Variants in CFAP299 observed in about 807,000 individuals in gnomAD.
The protein encoded by CFAP299 is cilia and flagella associated protein 299.
A neutral mutation model predicts 27.0 loss-of-function variants in CFAP299; 21 were observed. The ratio of observed to expected loss-of-function variants is 0.78; its 90% CI spans 0.55 to 1.12. The LOEUF (loss-of-function observed/expected upper bound fraction) is 1.12, where lower values mean the gene tolerates loss of function less well. CFAP299 is among the 50% of genes most tolerant of loss of function. The pLI is 0.00. For missense variants in CFAP299, 310 were observed against 276.6 expected (o/e 1.12, Z -0.86); for synonymous variants, 104 against 98.1 (o/e 1.06, Z -0.36).
At chr4:80,757,691 G>GTTTTTTTGT (rs144517834) in intron 3 of CFAP299, among the ~76,000 whole-genome samples, 1 of 151,298 alleles carries the variant, frequency 6.6e-6, no homozygotes, top group African/African-American at 2.4e-5. Flanking sequence ...ACAAAGTCAG[G>GTTTTTTTGT]TTTTTTGTTT....
chr4:80,439,758 C>A (rs1018353778), intron 2 of CFAP299, among the ~76,000 whole-genome samples: 8 of 152,166 alleles, frequency 5.3e-5, no homozygotes, highest in African/African-American at 1.9e-4. Context: ...CAGCAGGTCC[C>A]ACTTCCACAG....
intron 3 of CFAP299, among the ~76,000 whole-genome samples, chr4:80,756,216 T>C (rs1163871017): frequency 6.6e-6 from 1 of 152,180 alleles, no homozygotes; most frequent in Non-Finnish European, 1.5e-5. Context: ...TCTTTTCAAT[T>C]GTTAGTTTTT....
chr4:80,569,292 CAT>C (rs1044266046), intron 2 of CFAP299, among the ~76,000 whole-genome samples: 39 of 152,176 alleles, frequency 2.6e-4, no homozygotes, highest in Middle Eastern at 3.4e-3. Flanking sequence ...GAGGATTCCA[CAT>C]AGTTTGGCTT....
intron 4 of CFAP299, among the ~76,000 whole-genome samples, chr4:80,920,142 C>T (rs975291449): frequency 1.3e-5 from 2 of 150,968 alleles, no homozygotes; most frequent in Non-Finnish European, 2.9e-5. Context: ...GACAAATAAT[C>T]CTGATGAGAA....
chr4:80,338,890 G>A (rs1048686461), intron 1 of CFAP299, among the ~76,000 whole-genome samples: 1 of 152,192 alleles, frequency 6.6e-6, no homozygotes, highest in African/African-American at 2.4e-5. Context: ...TAAAAAGTTA[G>A]TACCAATGAT....
chr4:80,438,417 A>G (rs183086391), intron 2 of CFAP299, among the ~76,000 whole-genome samples: 6 of 152,204 alleles, frequency 3.9e-5, no homozygotes, highest in Admixed American at 2.0e-4. Flanking sequence ...TGTCATCCCA[A>G]CTCTTACAAT....
chr4:80,824,491 C>T (rs1039867111), intron 3 of CFAP299, among the ~76,000 whole-genome samples: 6 of 152,144 alleles, frequency 3.9e-5, no homozygotes, highest in Admixed American at 3.3e-4. Context: ...TTGTAAGCTC[C>T]TCCCCCTCTG....
At chr4:80,344,122 C>A (rs373244157) in intron 1 of CFAP299, among the ~76,000 whole-genome samples, 1 of 151,996 alleles carries the variant, frequency 6.6e-6, no homozygotes, top group African/African-American at 2.4e-5. Flanking sequence ...ACAAAGCTGG[C>A]AGAAGACAGG....
chr4:80,328,662 G>A, the CFAP299 span, among the ~76,000 whole-genome samples: 3 of 152,104 alleles, frequency 2.0e-5, no homozygotes, highest in Non-Finnish European at 2.9e-5. Context: ...GTTGAGACTC[G>A]TGGTCATGAA....
intron 3 of CFAP299, among the ~76,000 whole-genome samples, chr4:80,599,997 C>T (rs1271980316): frequency 6.6e-6 from 1 of 151,902 alleles, no homozygotes; most frequent in Non-Finnish European, 1.5e-5. Context: ...GTAATTCATG[C>T]ATAATAAACA....
At chr4:80,935,870 A>G (rs1736863251) in intron 4 of CFAP299, among the ~76,000 whole-genome samples, 1 of 152,126 alleles carries the variant, frequency 6.6e-6, no homozygotes, top group Admixed American at 6.6e-5. Context: ...ACAAGAAAAA[A>G]CAAACAACCC....
At chr4:80,528,646 A>G (rs555328847) in intron 2 of CFAP299, among the ~76,000 whole-genome samples, 1 of 152,298 alleles carries the variant, frequency 6.6e-6, no homozygotes, top group Non-Finnish European at 1.5e-5. Flanking sequence ...ATGTGAATTC[A>G]TACCATCTCT....
At chr4:80,893,083 C>G (rs1374187632) in intron 4 of CFAP299, among the ~76,000 whole-genome samples, 1 of 150,912 alleles carries the variant, frequency 6.6e-6, no homozygotes, top group Non-Finnish European at 1.5e-5. Context: ...ATTATATCCA[C>G]TAACAACAAA....
intron 3 of CFAP299, among the ~76,000 whole-genome samples, chr4:80,829,602 C>T (rs1730186373): frequency 6.6e-6 from 1 of 151,936 alleles, no homozygotes. Context: ...TTGAAGTCAA[C>T]ATATTGAAGG....
At chr4:80,642,225 AG>A (rs1334657367) in intron 3 of CFAP299, among the ~76,000 whole-genome samples, 1 of 152,172 alleles carries the variant, frequency 6.6e-6, no homozygotes, top group Non-Finnish European at 1.5e-5. Context: ...ATCTGGTTGG[AG>A]GGGATATGGT....
At chr4:80,856,085 T>G (rs1311235088) in intron 3 of CFAP299, among the ~76,000 whole-genome samples, 1 of 151,490 alleles carries the variant, frequency 6.6e-6, no homozygotes, top group Non-Finnish European at 1.5e-5. Context: ...CCTGACTTTT[T>G]AATGATTGCC....
At chr4:80,322,348 A>AT in the CFAP299 span, among the ~76,000 whole-genome samples, 6 of 152,096 alleles carry the variant, frequency 3.9e-5, no homozygotes, top group Non-Finnish European at 7.4e-5. Flanking sequence ...AATTCACAAC[A>AT]TCCCAGGTTT....
intron 3 of CFAP299, among the ~76,000 whole-genome samples, chr4:80,848,017 C>T (rs1022542135): frequency 2.0e-5 from 3 of 151,900 alleles, no homozygotes; most frequent in African/African-American, 7.3e-5. Context: ...CAAGAACAGC[C>T]TGGGCAACAT....
intron 3 of CFAP299, among the ~76,000 whole-genome samples, chr4:80,632,458 T>C (rs1431556440): frequency 6.6e-6 from 1 of 152,186 alleles, no homozygotes; most frequent in Non-Finnish European, 1.5e-5. Context: ...TTATTCAGCA[T>C]CTATTATATG....
Sources: allele counts gnomAD v4.1 joint callset (sites outside exome capture counted in the v4.1 genomes callset), GRCh38; gene constraint gnomAD v4.1.1; transcripts MANE v1.5; gene names NCBI Gene and HGNC (gene_info 2026-07-23, HGNC 2026-07-21).